HDDC2: variants seen among roughly 807,000 people sequenced by gnomAD.
HDDC2 encodes 5'-deoxynucleotidase HDDC2.
A neutral mutation model predicts 25.5 loss-of-function variants in HDDC2; 25 were observed. The observed-to-expected ratio is 0.98, with a 90% CI of 0.72 to 1.37. The LOEUF (loss-of-function observed/expected upper bound fraction) is 1.37. HDDC2 is among the 40% of genes most tolerant of loss of function. The probability of loss-of-function intolerance (pLI) is 0.00; values close to 1 mark genes in which losing one functional copy is unlikely to be tolerated. For missense variants in HDDC2, 264 were observed against 253.1 expected (o/e 1.04, Z -0.29); for synonymous variants, 106 against 89.7 (o/e 1.18, Z -1.03).
chr6:125,276,269 A>C, intron 5 of HDDC2, 26 bp from the exon 6 acceptor site: 1 of 1,493,764 alleles, frequency 6.7e-7, no homozygotes, highest in East Asian at 2.3e-5. Context: ...ACAGGGAAAA[A>C]TACATTCCCA....
chr6:125,296,722 G>T (rs1386110838), intron 3 of HDDC2, among the ~76,000 whole-genome samples: 1 of 152,180 alleles, frequency 6.6e-6, no homozygotes, highest in Non-Finnish European at 1.5e-5. Context: ...CAGTCAGGAG[G>T]TTTAATGAGG....
intron 1 of HDDC2, 82 bp from the exon 2 acceptor site, chr6:125,300,741 A>G: frequency 7.3e-7 from 1 of 1,367,360 alleles, no homozygotes; most frequent in Non-Finnish European, 1.0e-6. Context: ...TGTCCAGGAT[A>G]TAACACACAG....
intron 1 of HDDC2, among the ~76,000 whole-genome samples, chr6:125,301,263 C>T (rs1404008465): frequency 6.6e-6 from 1 of 152,016 alleles, no homozygotes; most frequent in Non-Finnish European, 1.5e-5. Flanking sequence ...GGGAGAGAGA[C>T]GGGGAAGACG....
At chr6:125,301,629 G>A (rs992530109) in intron 1 of HDDC2, among the ~76,000 whole-genome samples, 59 of 152,154 alleles carry the variant, frequency 3.9e-4, no homozygotes, top group Non-Finnish European at 7.1e-4. Flanking sequence ...CTCAGACTCC[G>A]GGCCGCCCCA....
intron 2 of HDDC2, among the ~76,000 whole-genome samples, chr6:125,299,204 G>A (rs750058635): frequency 2.8e-4 from 43 of 152,274 alleles, no homozygotes; most frequent in Non-Finnish European, 5.9e-4. Flanking sequence ...GCAACATGGT[G>A]AAACCCCATC....
At chr6:125,285,975 C>T (rs971984670) in intron 4 of HDDC2, among the ~76,000 whole-genome samples, 2 of 151,934 alleles carry the variant, frequency 1.3e-5, no homozygotes, top group Admixed American at 6.6e-5. Flanking sequence ...GATCCCGGGA[C>T]CTTAAATCTT....
chr6:125,293,649 C>G (rs367750030), intron 3 of HDDC2, among the ~76,000 whole-genome samples: 1 of 152,166 alleles, frequency 6.6e-6, no homozygotes, highest in South Asian at 2.1e-4. Flanking sequence ...TTTCTTATAT[C>G]AAGCTGAAAA....
intron 4 of HDDC2, among the ~76,000 whole-genome samples, chr6:125,284,186 G>A (rs570684283): frequency 5.9e-5 from 9 of 152,252 alleles, no homozygotes; most frequent in Non-Finnish European, 1.0e-4. Context: ...AGATTTAAAC[G>A]TAAGACCTAA....
intron 1 of HDDC2, 24 bp downstream of exon 1, chr6:125,301,825 C>T: frequency 6.6e-7 from 1 of 1,524,246 alleles, no homozygotes. Flanking sequence ...TCGGCCGCGG[C>T]CTCCCGGCCT....
chr6:125,291,651 T>C (rs1798632926), intron 4 of HDDC2, among the ~76,000 whole-genome samples: 1 of 152,152 alleles, frequency 6.6e-6, no homozygotes, highest in South Asian at 2.1e-4. Flanking sequence ...GATAAGGGTG[T>C]GGGAACCTGT....
chr6:125,287,533 C>T (rs1229128745), intron 4 of HDDC2, among the ~76,000 whole-genome samples: 12 of 152,278 alleles, frequency 7.9e-5, no homozygotes, highest in African/African-American at 2.6e-4. Context: ...AGAACTGGCA[C>T]AGGCATGAGG....
At chr6:125,276,758 C>T (rs548636309) in intron 5 of HDDC2, 39 of 311,022 alleles carry the variant, frequency 1.3e-4, no homozygotes, top group Admixed American at 3.8e-4. Flanking sequence ...CATCCCTGCT[C>T]CTCAGACCTC....
intron 4 of HDDC2, 98 bp from the exon 5 acceptor site, chr6:125,277,338 A>G: frequency 8.8e-7 from 1 of 1,135,118 alleles, no homozygotes. Flanking sequence ...AGTGACAGCT[A>G]CAAGTACATT....
chr6:125,292,866 C>T lies in HDDC2; in HGVS notation c.353G>A (p.Arg118Lys). 1 of 1,613,184 alleles carries T rather than the reference C, an allele frequency of 6.2e-7. No homozygotes were observed. The change falls in exon 4 of 6, where the codon AGA (arginine) becomes AAA (lysine). Residue 118 changes from arginine (R) to lysine (K), a missense_variant. Physicochemically the swap from Arg to Lys is conservative, Grantham distance 26. Transcript: ENST00000398153. The part of the protein sequence containing the change: ...QITQLLPEDL[R>K]KELYELWEEY... ...TTCCCAAAGTTCATAGAGCTCCTTTCTGAGGTCCTCTGGTAGGAGCTGGGT... is the reference window on the plus strand; with the variant it reads ...TTCCCAAAGTTCATAGAGCTCCTTTTTGAGGTCCTCTGGTAGGAGCTGGGT...
At chr6:125,290,310 T>A (rs146270056) in intron 4 of HDDC2, among the ~76,000 whole-genome samples, 154 of 152,260 alleles carry the variant, frequency 1.0e-3, no homozygotes, top group African/African-American at 2.7e-3. Flanking sequence ...ATTTTACAGA[T>A]GAGGAAATTG....
In HDDC2 at chr6:125,301,886, G is replaced by A. The variant is rs756078836; in HGVS notation, c.47C>T (p.Ser16Phe). Residue 16 changes from serine to phenylalanine, a missense_variant, in exon 1 of 6, where the codon TCC becomes TTC. Coordinates refer to ENST00000398153, the MANE Select transcript of HDDC2 (RefSeq NM_016063.3). ...SATFSGHGAR[S>F]LLQFLRLVGQ... is the part of the protein sequence containing the mutation. ...TACCAGCCGCAGGAACTGCAGTAGG[G>A]ACCGAGCCCCGTGGCCCGAGAAGGT... is the stretch of plus-strand genomic sequence containing the variant. 9 of 1,551,248 alleles carry A rather than the reference G, an allele frequency of 5.8e-6. No homozygotes were observed. Among genetic ancestry groups the A allele is most frequent in the Non-Finnish European group, 7.8e-6 (9 of 1,149,328 alleles).
intron 3 of HDDC2, 47 bp downstream of exon 3, chr6:125,298,667 A>C (rs952971884): frequency 8.6e-6 from 12 of 1,400,552 alleles, no homozygotes; most frequent in Non-Finnish European, 1.2e-5. Flanking sequence ...TGCTTCAGCA[A>C]GAGGTTTTTC....
chr6:125,295,195 C>CTCAGTGTAG (rs1798691417), intron 3 of HDDC2, among the ~76,000 whole-genome samples: 1 of 152,158 alleles, frequency 6.6e-6, no homozygotes, highest in South Asian at 2.1e-4. Context: ...TGAGTTTCAC[C>CTCAGTGTAG]TTGTTGTTCA....
In HDDC2 at chr6:125,275,428, A is replaced by T. The variant is rs1798353314; in HGVS notation, c.*718T>A. 1 of 152,222 alleles carries T rather than the reference A, an allele frequency of 6.6e-6. No homozygotes were observed. The highest frequency in any genetic ancestry group is 1.5e-5 in the Non-Finnish European group (1 of 68,034). 9.4% of individuals were successfully genotyped at this position (152,222 alleles called of 1,614,324 possible). A position where few individuals can be genotyped will look rare whatever the true frequency, so the allele number is the denominator to read the frequency against. ...TCCCTACCTGAGGCTCAATGACCCC[A>T]GTTCCTATTTATATTTCTCACCTGA... On this transcript the variant is annotated 3_prime_UTR_variant, in exon 6 of 6. Coordinates refer to ENST00000398153, the MANE Select transcript of HDDC2 (RefSeq NM_016063.3).
Sources: gnomAD v4.1 joint callset for allele counts (sites outside exome capture counted in the v4.1 genomes callset) on GRCh38, gnomAD v4.1.1 for gene constraint, MANE v1.5 for transcripts, NCBI Gene and HGNC (gene_info 2026-07-23, HGNC 2026-07-21) for gene names.